TENM4: variants seen among roughly 807,000 people sequenced by gnomAD.
TENM4 encodes teneurin-4.
In TENM4, 82 loss-of-function variants were observed where a neutral mutation model predicts 243.3. The observed-to-expected ratio is 0.34, with a 90% CI of 0.28 to 0.40. The LOEUF (loss-of-function observed/expected upper bound fraction) is 0.40. Among genes scored for constraint, TENM4 ranks in the 10% least tolerant of loss-of-function variants. The probability of loss-of-function intolerance (pLI) is 1.00; values close to 1 mark genes in which losing one functional copy is unlikely to be tolerated. For synonymous variants in TENM4, 1,412 were observed against 1,456.3 expected, an observed-to-expected ratio of 0.97 and a Z score of 0.69; for missense variants, 3,138 against 3,673.3, an observed-to-expected ratio of 0.85 and a Z score of 3.77.
intron 9 of TENM4, among the ~76,000 whole-genome samples, chr11:78,878,375 C>G (rs139439674): frequency 2.6e-5 from 4 of 152,154 alleles, no homozygotes. Context: ...AAACGATCCA[C>G]GTCACAGTCA....
At chr11:79,370,779 T>TAAAAAAAAAAAAAAA (rs544196671) in intron 1 of TENM4, among the ~76,000 whole-genome samples, 11 of 57,168 alleles carry the variant, frequency 1.9e-4, no homozygotes, top group African/African-American at 6.5e-4. Flanking sequence ...ACTCCTATGG[T>TAAAAAAAAAAAAAAA]AAAAAAAAAA....
chr11:79,405,847 C>CAAAAAAA (rs763128589), intron 1 of TENM4, among the ~76,000 whole-genome samples: 5 of 69,252 alleles, frequency 7.2e-5, no homozygotes, highest in East Asian at 4.8e-4. Flanking sequence ...ATTGTGATTT[C>CAAAAAAA]AAAAAAAAAA....
chr11:79,369,624 G>T (rs1223695143), intron 1 of TENM4, among the ~76,000 whole-genome samples: 3 of 152,180 alleles, frequency 2.0e-5, no homozygotes, highest in Non-Finnish European at 4.4e-5. Context: ...AGAGAGGACA[G>T]GGTGAAGAAA....
intron 1 of TENM4, among the ~76,000 whole-genome samples, chr11:79,343,007 C>T (rs1278875009): frequency 6.6e-6 from 1 of 152,246 alleles, no homozygotes; most frequent in Non-Finnish European, 1.5e-5. Context: ...TGGACTGACT[C>T]TCCATGGCCT....
chr11:78,889,844 G>A lies in TENM4; in HGVS notation c.1025C>T (p.Ala342Val). 3 of 1,551,876 alleles carry A rather than the reference G, an allele frequency of 1.9e-6. No individual in the cohort carries two copies. The highest frequency in any genetic ancestry group is 2.6e-6 in the Non-Finnish European group (3 of 1,147,028). Residue 342 changes from alanine to valine, a missense_variant, in exon 9 of 34, where the codon GCA becomes GTA. Transcript: ENST00000278550. ...KPSKYCNWKC[A>V]ALSAIVISAT... is the part of the protein sequence containing the mutation. The stretch of plus-strand genomic sequence containing the variant: ...TGAGATGACGATGGCGCTCAGGGCT[G>A]CGCACTTCCAGTTACAGTACTTGGA...
intron 1 of TENM4, among the ~76,000 whole-genome samples, chr11:79,373,322 CTGGCTGGCTGGA>C (rs1245894326): frequency 0.056 from 6,064 of 109,210 alleles, 410 homozygotes; most frequent in African/African-American, 0.18. Context: ...GGCTGGCTGG[CTGGCTGGCTGGA>C]TGGATGGATG....
intron 3 of TENM4, among the ~76,000 whole-genome samples, chr11:79,170,636 G>A (rs150441336): frequency 1.3e-5 from 2 of 152,266 alleles, no homozygotes; most frequent in African/African-American, 2.4e-5. Context: ...CTCTATATAC[G>A]AAGGAATGCC....
At chr11:79,138,331 T>TATATATATATATATATATATATATA (rs1555015535) in intron 4 of TENM4, among the ~76,000 whole-genome samples, 99 of 76,062 alleles carry the variant, frequency 1.3e-3, no homozygotes, top group Admixed American at 7.2e-3. Context: ...ATATATATAT[T>TATATATATATATATATATATATATA]ATATATATAA....
chr11:78,988,071 C>T (rs914428906), intron 6 of TENM4, among the ~76,000 whole-genome samples: 1 of 152,156 alleles, frequency 6.6e-6, no homozygotes, highest in African/African-American at 2.4e-5. Context: ...CCTGTGATAC[C>T]AATAGGATAT....
At chr11:79,090,807 G>A (rs1269202747) in intron 4 of TENM4, among the ~76,000 whole-genome samples, 3 of 152,292 alleles carry the variant, frequency 2.0e-5, no homozygotes, top group East Asian at 3.9e-4. Context: ...CTATTCAACC[G>A]ACGTCCCTGT....
At chr11:79,124,885 A>ATG (rs1362992313) in intron 4 of TENM4, among the ~76,000 whole-genome samples, 2 of 60,340 alleles carry the variant, frequency 3.3e-5, no homozygotes, top group African/African-American at 5.2e-5. Flanking sequence ...GTATATATGT[A>ATG]TATGTATATG....
intron 2 of TENM4, among the ~76,000 whole-genome samples, chr11:79,295,532 A>C (rs977773568): frequency 1.3e-5 from 2 of 152,194 alleles, no homozygotes; most frequent in African/African-American, 4.8e-5. Context: ...AACTCAAGAC[A>C]TGGGACACTC....
chr11:79,345,823 C>A (rs1252080867), intron 1 of TENM4, among the ~76,000 whole-genome samples: 1 of 152,204 alleles, frequency 6.6e-6, no homozygotes, highest in Non-Finnish European at 1.5e-5. Flanking sequence ...ACCCAGCACA[C>A]ACAGGTGGGA....
At chr11:78,981,289 G>C (rs1857787774) in intron 6 of TENM4, among the ~76,000 whole-genome samples, 1 of 152,172 alleles carries the variant, frequency 6.6e-6, no homozygotes, top group African/African-American at 2.4e-5. Context: ...CCCATGTGCA[G>C]AACACTCTAT....
chr11:78,806,358 A>C (rs1335611182), intron 14 of TENM4, among the ~76,000 whole-genome samples: 4 of 152,168 alleles, frequency 2.6e-5, no homozygotes, highest in Non-Finnish European at 5.9e-5. Flanking sequence ...CAAACACTTC[A>C]ATATGTGCTG....
intron 6 of TENM4, among the ~76,000 whole-genome samples, chr11:79,018,083 G>A (rs542271857): frequency 1.8e-4 from 28 of 152,236 alleles, no homozygotes; most frequent in Admixed American, 4.6e-4. Flanking sequence ...AGGGCTGGGG[G>A]ATGAAGCCAC....
intron 6 of TENM4, among the ~76,000 whole-genome samples, chr11:78,924,196 C>T (rs1856507565): frequency 6.6e-6 from 1 of 152,212 alleles, no homozygotes; most frequent in Admixed American, 6.5e-5. Context: ...GCCAGTCTGT[C>T]TTGACCATTC....
intron 2 of TENM4, among the ~76,000 whole-genome samples, chr11:79,224,235 C>T (rs577756134): frequency 6.6e-5 from 10 of 152,256 alleles, no homozygotes; most frequent in East Asian, 1.9e-4. Flanking sequence ...GGTCCCATGA[C>T]GATTGTCATG....
intron 9 of TENM4, among the ~76,000 whole-genome samples, chr11:78,873,243 T>C (rs2136246274): frequency 6.6e-6 from 1 of 152,262 alleles, no homozygotes; most frequent in Admixed American, 6.5e-5. Flanking sequence ...CACAGACCCT[T>C]GGTTTGGTTT....
Sources: allele counts gnomAD v4.1 joint callset (sites outside exome capture counted in the v4.1 genomes callset), GRCh38; gene constraint gnomAD v4.1.1; transcripts MANE v1.5; gene names NCBI Gene and HGNC (gene_info 2026-07-23, HGNC 2026-07-21).